The following GRID2 variants were observed in gnomAD, a reference collection of about 807,000 sequenced individuals.
The protein encoded by GRID2 is glutamate ionotropic receptor delta type subunit 2.
Under a neutral mutation model 114.8 loss-of-function variants are expected in GRID2, and 33 were observed. That is an observed-to-expected ratio of 0.29 (90% CI 0.22 to 0.38). The LOEUF (loss-of-function observed/expected upper bound fraction) is 0.38, where lower values mean the gene tolerates loss of function less well. Ranked by LOEUF, GRID2 falls within the 10% of genes least tolerant of loss-of-function variation. GRID2 has a pLI of 1.00. For synonymous variants in GRID2, 505 were observed against 449.9 expected, an observed-to-expected ratio of 1.12 and a Z score of -1.55; for missense variants, 1,184 against 1,257.7, an observed-to-expected ratio of 0.94 and a Z score of 0.89.
At chr4:93,584,103 A>G (rs1353555371) in intron 13 of GRID2, among the ~76,000 whole-genome samples, 1 of 152,156 alleles carries the variant, frequency 6.6e-6, no homozygotes, top group Non-Finnish European at 1.5e-5. Flanking sequence ...TAAAGACACA[A>G]CTGTTTCTGA....
In GRID2 at chr4:93,239,098, A is replaced by G. The variant is rs1029148581; in HGVS notation, c.1245+608A>G. 3.4e-5 allele frequency among the ~76,000 whole-genome samples: 5 copies of G among 148,806 alleles called. No individual in the cohort carries two copies. The South Asian group carries it at 1.0e-3, about 31-fold the overall frequency. On this transcript the variant is annotated intron_variant, in intron 8 of 15. Transcript: ENST00000282020. ...CCCTTATATAAATGATGTTTCTATA[A>G]TTCGGATTTGCTATATATAAATTTT...
At chr4:92,790,142 ATAGT>A (rs911485168) in intron 2 of GRID2, among the ~76,000 whole-genome samples, 2 of 151,836 alleles carry the variant, frequency 1.3e-5, no homozygotes, top group African/African-American at 4.8e-5. Context: ...ATAAGTATAT[ATAGT>A]TATACATATA....
chr4:93,401,025 G>A (rs910051185), intron 9 of GRID2, among the ~76,000 whole-genome samples: 3 of 151,848 alleles, frequency 2.0e-5, no homozygotes, highest in Non-Finnish European at 4.4e-5. Flanking sequence ...TAGAGACAGG[G>A]GCTCGCTATG....
chr4:93,222,195 G>A (rs1744958645), intron 6 of GRID2, among the ~76,000 whole-genome samples: 1 of 152,034 alleles, frequency 6.6e-6, no homozygotes, highest in African/African-American at 2.4e-5. Context: ...TCCCCATCCA[G>A]GAGGAATTTA....
intron 10 of GRID2, among the ~76,000 whole-genome samples, chr4:93,427,314 A>G (rs946312970): frequency 2.0e-5 from 3 of 152,000 alleles, no homozygotes; most frequent in Admixed American, 6.6e-5. Flanking sequence ...GTTATGATGG[A>G]GCTCCAGAAA....
chr4:93,574,081 C>G (rs1423452970), intron 13 of GRID2, among the ~76,000 whole-genome samples: 3 of 152,060 alleles, frequency 2.0e-5, no homozygotes, highest in African/African-American at 7.2e-5. Context: ...TTTGTATTTT[C>G]CATTTCAACA....
chr4:93,739,308 C>T lies in GRID2; in HGVS notation c.2361-29902C>T, dbSNP rs79704249. 4.7e-3 allele frequency among the ~76,000 whole-genome samples: 710 copies of T among 152,092 alleles called. 1 individual carries two copies. Among genetic ancestry groups the T allele is most frequent in the African/African-American group, 0.016 (679 of 41,486 alleles). On this transcript the variant is annotated intron_variant, in intron 14 of 15. Coordinates refer to ENST00000282020, the MANE Select transcript of GRID2 (RefSeq NM_001510.4). ...GAAGCTGTATAAACAATTTGGGTCC[C>T]GCCACAAACTAGGTACAATTTCTTC...
chr4:92,949,567 A>G (rs916613095), intron 2 of GRID2, among the ~76,000 whole-genome samples: 20 of 151,880 alleles, frequency 1.3e-4, no homozygotes, highest in African/African-American at 4.3e-4. Context: ...CTCCACTGTG[A>G]TAAGAAATGG....
At chr4:93,124,452 G>A (rs1038572407) in intron 4 of GRID2, among the ~76,000 whole-genome samples, 1 of 152,090 alleles carries the variant, frequency 6.6e-6, no homozygotes, top group Non-Finnish European at 1.5e-5. Flanking sequence ...GCAAATACAT[G>A]CTACAAGTGC....
At chr4:93,164,040 C>A (rs1183821202) in intron 4 of GRID2, among the ~76,000 whole-genome samples, 1 of 151,932 alleles carries the variant, frequency 6.6e-6, no homozygotes, top group African/African-American at 2.4e-5. Flanking sequence ...TATCCATGGA[C>A]TGTAAGTTCA....
At chr4:93,614,532 GAAAT>G (rs527627754) in intron 13 of GRID2, among the ~76,000 whole-genome samples, 29 of 151,848 alleles carry the variant, frequency 1.9e-4, no homozygotes, top group Non-Finnish European at 3.2e-4. Context: ...ATAAAAACAT[GAAAT>G]AGTCATTTAT....
chr4:92,460,053 T>TATATATATATATATATATATATATACAC (rs1032538170), intron 1 of GRID2, among the ~76,000 whole-genome samples: 20 of 99,760 alleles, frequency 2.0e-4, no homozygotes, highest in African/African-American at 7.4e-4. Context: ...TATATATATA[T>TATATATATATATATATATATATATACAC]ACACACACAA....
chr4:93,623,202 C>T (rs964528148), intron 13 of GRID2, among the ~76,000 whole-genome samples: 2 of 151,904 alleles, frequency 1.3e-5, no homozygotes, highest in African/African-American at 4.8e-5. Flanking sequence ...ATGTGCAGAA[C>T]CTGTGCAGGT....
chr4:92,354,236 A>G (rs1728210104), intron 1 of GRID2, among the ~76,000 whole-genome samples: 1 of 152,036 alleles, frequency 6.6e-6, no homozygotes, highest in Non-Finnish European at 1.5e-5. Flanking sequence ...TAAATATGCC[A>G]TAGAGCTTCC....
At chr4:92,526,085 CA>C (rs1456970721) in intron 1 of GRID2, among the ~76,000 whole-genome samples, 4 of 151,150 alleles carry the variant, frequency 2.6e-5, no homozygotes, top group Non-Finnish European at 4.4e-5. Flanking sequence ...AGCTCAGGAA[CA>C]AGTCTCAAAT....
At chr4:92,618,323 G>A (rs796903283) in intron 2 of GRID2, among the ~76,000 whole-genome samples, 2 of 151,786 alleles carry the variant, frequency 1.3e-5, no homozygotes, top group African/African-American at 2.4e-5. Context: ...GGCTGTAGAT[G>A]TATGGATTAA....
intron 2 of GRID2, among the ~76,000 whole-genome samples, chr4:92,745,473 G>A (rs370845221): frequency 6.6e-6 from 1 of 152,068 alleles, no homozygotes; most frequent in Non-Finnish European, 1.5e-5. Flanking sequence ...TGTTTAACAT[G>A]CTACTTACTA....
intron 4 of GRID2, among the ~76,000 whole-genome samples, chr4:93,192,653 A>G (rs1741094070): frequency 1.3e-5 from 2 of 149,360 alleles, no homozygotes; most frequent in Admixed American, 6.7e-5. Flanking sequence ...AGGCTGAGGC[A>G]GGAGAATTGC....
At chr4:92,696,803 A>G (rs1734444056) in intron 2 of GRID2, among the ~76,000 whole-genome samples, 1 of 152,164 alleles carries the variant, frequency 6.6e-6, no homozygotes, top group South Asian at 2.1e-4. Context: ...GTGTGTCATA[A>G]TAGATGATAG....
Sources: gnomAD v4.1 joint callset for allele counts (sites outside exome capture counted in the v4.1 genomes callset) on GRCh38, gnomAD v4.1.1 for gene constraint, MANE v1.5 for transcripts, NCBI Gene and HGNC (gene_info 2026-07-23, HGNC 2026-07-21) for gene names.